Variants in MPRIP observed in about 807,000 individuals in gnomAD.
The protein encoded by MPRIP is myosin phosphatase Rho interacting protein.
MPRIP carries 59 observed loss-of-function variants against 234.9 expected under a neutral mutation model. That is an observed-to-expected ratio of 0.25 (90% CI 0.20 to 0.31). The LOEUF is 0.31. MPRIP is among the 10% of genes least tolerant of loss of function. MPRIP has a pLI of 1.00. For missense variants in MPRIP, 2,436 were observed against 3,071.0 expected (o/e 0.79, Z 4.89); for synonymous variants, 1,144 against 1,263.9 (o/e 0.91, Z 2.01).
At chr17:17,128,078 C>T (rs778105221) in intron 4 of MPRIP, among the ~76,000 whole-genome samples, 59 of 152,224 alleles carry the variant, frequency 3.9e-4, no homozygotes, top group Non-Finnish European at 5.3e-4. Flanking sequence ...GAAGAACCCT[C>T]GTGGTACAGT....
intron 1 of MPRIP, among the ~76,000 whole-genome samples, chr17:17,053,862 G>A (rs970324742): frequency 4.6e-5 from 7 of 152,242 alleles, no homozygotes; most frequent in African/African-American, 1.7e-4. Context: ...GGACTGGAAG[G>A]AAGTAGTCAG....
rs1468965891 is a variant in MPRIP, at chr17:17,131,558, G to A, written c.420-59G>A. 11 of 1,469,104 alleles carry A rather than the reference G, an allele frequency of 7.5e-6. No homozygotes were observed. The South Asian group carries it at 1.1e-4, about 15-fold the overall frequency. 91.0% of individuals were successfully genotyped at this position (1,469,104 alleles called of 1,614,324 possible). ...CCTGGACCACCCGGCAAGGGCCAGGGCTCCTAGTCCCCGAGTGCCAGGGTC... is the reference window on the plus strand; with the variant it reads ...CCTGGACCACCCGGCAAGGGCCAGGACTCCTAGTCCCCGAGTGCCAGGGTC... On this transcript the variant is annotated intron_variant, in intron 4 of 23. Transcript: ENST00000651222.
intron 5 of MPRIP, among the ~76,000 whole-genome samples, chr17:17,133,427 G>C (rs2090634955): frequency 6.6e-6 from 1 of 152,160 alleles, no homozygotes; most frequent in Non-Finnish European, 1.5e-5. Context: ...TGGGATCTTT[G>C]GTCAGGCCTC....
chr17:17,060,791 A>G (rs2088846190), intron 1 of MPRIP, among the ~76,000 whole-genome samples: 1 of 152,202 alleles, frequency 6.6e-6, no homozygotes, highest in Non-Finnish European at 1.5e-5. Flanking sequence ...CTCCATCTTT[A>G]GTATCTGCAC....
chr17:17,126,916 G>T, intron 4 of MPRIP, 63 bp downstream of exon 4: 1 of 1,567,550 alleles, frequency 6.4e-7, no homozygotes, highest in South Asian at 1.2e-5. Context: ...CACCAGATGG[G>T]CCGCCTGCCC....
At chr17:17,152,716 A>C (rs2045629790) in intron 12 of MPRIP, among the ~76,000 whole-genome samples, 1 of 152,236 alleles carries the variant, frequency 6.6e-6, no homozygotes, top group Non-Finnish European at 1.5e-5. Flanking sequence ...GAAGGGTGTT[A>C]GAAGATGCCA....
At chr17:17,154,248 G>C in intron 12 of MPRIP, 58 bp from the exon 13 acceptor site, 1 of 1,475,408 alleles carries the variant, frequency 6.8e-7, no homozygotes. Flanking sequence ...TTTGGAGATG[G>C]AGGGCAGCAG....
chr17:17,173,375 C>G (rs1420861605), intron 18 of MPRIP, among the ~76,000 whole-genome samples: 1 of 152,356 alleles, frequency 6.6e-6, no homozygotes, highest in Admixed American at 6.5e-5. Flanking sequence ...GCCAGGGGCC[C>G]TGCCTCAGGA....
chr17:17,129,164 C>CA (rs1275704861), intron 4 of MPRIP, among the ~76,000 whole-genome samples: 1 of 152,162 alleles, frequency 6.6e-6, no homozygotes, highest in Admixed American at 6.5e-5. Context: ...GATTCTGGGC[C>CA]ACACTTTACA....
chr17:17,105,292 C>A (rs888556446), intron 3 of MPRIP, among the ~76,000 whole-genome samples: 3 of 152,202 alleles, frequency 2.0e-5, no homozygotes, highest in African/African-American at 7.2e-5. Flanking sequence ...TCAGCCAGCA[C>A]CCCCAGGCAG....
chr17:17,147,448 G>A (rs1179124425), intron 11 of MPRIP, 61 bp downstream of exon 11: 5 of 1,494,876 alleles, frequency 3.3e-6, no homozygotes, highest in African/African-American at 1.4e-5. Flanking sequence ...GCGGCATCTG[G>A]GGCTAGTAGA....
Position 17,042,853 on chromosome 17 carries a change from C to G in MPRIP, c.5C>G (p.Ser2Trp), listed in dbSNP as rs776299638. Residue 2 changes from serine to tryptophan, a missense_variant, in exon 1 of 24, where the codon TCG becomes TGG. Around this residue, in one of 4 missense-constraint regions of MPRIP, gnomAD observed 140 missense variants for 207.3 expected, o/e 0.68. Transcript: ENST00000651222. Reference protein sequence around the residue: MSAAKENPCRKF... With the variant: MWAAKENPCRKF... ...GCCGTCGCCGCCGCGCCGACCATGT[C>G]GGCAGCCAAGGAGAACCCGTGCAGG... The G allele has an allele frequency of 2.2e-5, 35 of 1,561,782 alleles. No homozygotes were observed. The highest frequency in any genetic ancestry group is 2.9e-5 in the Non-Finnish European group (34 of 1,155,076).
At chr17:17,183,255 G>C (rs575345558) in intron 23 of MPRIP, 3 of 152,270 alleles carry the variant, frequency 2.0e-5, no homozygotes, top group African/African-American at 7.2e-5. Flanking sequence ...TCGCTCTGTC[G>C]CCCAGGCTAG....
At chr17:17,105,224 G>C (rs2090040061) in intron 3 of MPRIP, among the ~76,000 whole-genome samples, 1 of 152,182 alleles carries the variant, frequency 6.6e-6, no homozygotes, top group Non-Finnish European at 1.5e-5. Context: ...ACCCACCCTC[G>C]TGGTGGGGCA....
chr17:17,165,343 C>T lies in MPRIP; in HGVS notation c.3752C>T (p.Ala1251Val), dbSNP rs1662921075. ...GTLLPGQPVQ[A>V]TRAPLGLPHT... ...TTGCTCCCAGGCCAACCAGTCCAAG[C>T]CACTAGGGCACCTCTAGGCCTCCCA... Residue 1251 changes from alanine to valine, a missense_variant, in exon 16 of 24, where the codon GCC becomes GTC. Transcript: ENST00000651222. 1 of 1,304,136 alleles carries T rather than the reference C, an allele frequency of 7.7e-7. No individual in the cohort carries two copies. Among genetic ancestry groups the T allele is most frequent in the Middle Eastern group, 2.1e-4 (1 of 4,698 alleles). 80.8% of individuals were successfully genotyped at this position (1,304,136 alleles called of 1,614,324 possible). A position where few individuals can be genotyped will look rare whatever the true frequency, so the allele number is the denominator to read the frequency against.
chr17:17,049,075 A>G (rs188346866), intron 1 of MPRIP, among the ~76,000 whole-genome samples: 23 of 152,378 alleles, frequency 1.5e-4, no homozygotes, highest in Admixed American at 1.2e-3. Flanking sequence ...AGAGGCAGAC[A>G]TGAAAGGTCA....
At chr17:17,161,661 A>C (rs2045874056) in intron 15 of MPRIP, among the ~76,000 whole-genome samples, 2 of 152,206 alleles carry the variant, frequency 1.3e-5, no homozygotes, top group Admixed American at 1.3e-4. Context: ...GCCAATATAC[A>C]TTTATTGTAA....
chr17:17,059,519 C>T (rs4985716), intron 1 of MPRIP, among the ~76,000 whole-genome samples: 25,479 of 152,144 alleles, frequency 0.17, 3,257 homozygotes, highest in African/African-American at 0.34. Context: ...GGGGCCTGCT[C>T]GGCTGTGGCT....
intron 4 of MPRIP, among the ~76,000 whole-genome samples, chr17:17,129,649 G>C (rs1260314520): frequency 6.6e-6 from 1 of 152,064 alleles, no homozygotes; most frequent in Admixed American, 6.5e-5. Context: ...GCAGCTCCAC[G>C]TAGTCAGCAG....
Sources: allele counts gnomAD v4.1 joint callset (sites outside exome capture counted in the v4.1 genomes callset), GRCh38; gene constraint gnomAD v4.1.1; regional missense constraint gnomAD v4.1.1; transcripts MANE v1.5; gene names NCBI Gene and HGNC (gene_info 2026-07-23, HGNC 2026-07-21).